CAPN2: variants seen among roughly 807,000 people sequenced by gnomAD.
CAPN2 encodes calpain-2 catalytic subunit.
In CAPN2, 92 loss-of-function variants were observed where a neutral mutation model predicts 102.3. The ratio of observed to expected loss-of-function variants is 0.90; its 90% CI spans 0.76 to 1.07. The LOEUF (loss-of-function observed/expected upper bound fraction) is 1.07. CAPN2 is among the 50% of genes least tolerant of loss of function. The pLI is 0.00. For synonymous variants in CAPN2, 340 were observed against 355.4 expected (o/e 0.96, Z 0.49); for missense variants, 800 against 909.4 (o/e 0.88, Z 1.55).
rs1017379497 is a variant in CAPN2, at chr1:223,731,641, G to C, written c.308-12459G>C. ...AGACTGAGTACAGGCCTGGCACGGAGCCAGGAATGCACCAACAAGGAGCCT... is the reference window on the plus strand; with the variant it reads ...AGACTGAGTACAGGCCTGGCACGGACCCAGGAATGCACCAACAAGGAGCCT... On this transcript the variant is annotated intron_variant, in intron 2 of 20. Coordinates refer to ENST00000295006, the MANE Select transcript of CAPN2 (RefSeq NM_001748.5). This position sits in a 1 kb window ranked among gnomAD's most constrained non-coding sequence, Gnocchi z 4.2. Among the ~76,000 whole-genome samples, 2 of 152,234 alleles carry C rather than the reference G, an allele frequency of 1.3e-5. No homozygotes were observed. The highest frequency in any genetic ancestry group is 4.8e-5 in the African/African-American group (2 of 41,464).
intron 3 of CAPN2, 105 bp downstream of exon 3, chr1:223,744,323 A>G (rs1660694285): frequency 3.9e-6 from 3 of 772,636 alleles, no homozygotes; most frequent in East Asian, 2.4e-5. Flanking sequence ...GCAGACTCCC[A>G]AGACCAATAC....
chr1:223,750,833 T>C (rs1660867607), intron 6 of CAPN2, 57 bp from the exon 7 acceptor site: 1 of 1,508,158 alleles, frequency 6.6e-7, no homozygotes, highest in South Asian at 1.2e-5. Flanking sequence ...GGCCCAAGCC[T>C]TCATAGCCCT....
upstream of CAPN2, among the ~76,000 whole-genome samples, chr1:223,708,355 C>T (rs909547208): frequency 2.0e-5 from 3 of 150,762 alleles, no homozygotes; most frequent in Admixed American, 6.6e-5. Context: ...AACCGGGAGG[C>T]GGAGGTTGCA....
intron 2 of CAPN2, among the ~76,000 whole-genome samples, chr1:223,742,497 T>TGC (rs1660643292): frequency 1.1e-5 from 1 of 91,220 alleles, no homozygotes; most frequent in Non-Finnish European, 2.0e-5. Flanking sequence ...TATATATGTG[T>TGC]GTATATATAT....
rs7533595 is a variant in CAPN2, at chr1:223,756,681, C to A, written c.1306-688C>A. 0.02 allele frequency among the ~76,000 whole-genome samples: 2,996 copies of A among 152,298 alleles called. 106 individuals carry two copies. Among genetic ancestry groups the A allele is most frequent in the African/African-American group, 0.068 (2,843 of 41,536 alleles). On this transcript the variant is annotated intron_variant, in intron 10 of 20. Coordinates refer to ENST00000295006, the MANE Select transcript of CAPN2 (RefSeq NM_001748.5). This position sits in a 1 kb window ranked among gnomAD's most constrained non-coding sequence, Gnocchi z 4.1. ...ACACTGACTTCTACCTGCTCACCCACCTGAGAAAGGCAGCTGGGCAAATAC... is the reference window on the plus strand; with the variant it reads ...ACACTGACTTCTACCTGCTCACCCAACTGAGAAAGGCAGCTGGGCAAATAC...
intron 2 of CAPN2, among the ~76,000 whole-genome samples, chr1:223,741,282 C>T (rs1470682367): frequency 6.6e-6 from 1 of 150,972 alleles, no homozygotes; most frequent in African/African-American, 2.4e-5. Flanking sequence ...AGTGAAGGAA[C>T]CAGAAGCAAA....
chr1:223,770,469 T>A lies in CAPN2; in HGVS notation c.1847T>A (p.Val616Asp). 1 of 1,613,854 alleles carries A rather than the reference T, an allele frequency of 6.2e-7. No homozygotes were observed. The highest frequency in any genetic ancestry group is 8.5e-7 in the Non-Finnish European group (1 of 1,179,828). ...KYQKIYREID[V>D]DRSGTMNSYE... is the part of the protein sequence containing the mutation. ...CAGAAAATTTACCGAGAAATCGACG[T>A]TGACAGGTCTGGTACCATGAATTCC... The change falls in exon 18 of 21, where the codon GTT becomes GAT. Residue 616 changes from valine (V) to aspartate (D), a missense_variant. Transcript: ENST00000295006.
intron 5 of CAPN2, among the ~76,000 whole-genome samples, chr1:223,748,495 A>G (rs967994208): frequency 4.6e-5 from 7 of 152,194 alleles, no homozygotes; most frequent in African/African-American, 1.4e-4. Context: ...AACAGAAGCA[A>G]ATTCTGACTC....
chr1:223,764,314 C>A, intron 15 of CAPN2, 107 bp downstream of exon 15: 1 of 875,042 alleles, frequency 1.1e-6, no homozygotes, highest in Non-Finnish European at 1.9e-6. Flanking sequence ...ACTAAACCAC[C>A]ACCCTCCATC....
At chr1:223,765,143 C>T (rs1661279282) in intron 15 of CAPN2, among the ~76,000 whole-genome samples, 1 of 152,208 alleles carries the variant, frequency 6.6e-6, no homozygotes, top group East Asian at 1.9e-4. Context: ...TGCATACCAG[C>T]CCTAGGGATC....
rs1199013914 is a variant in CAPN2, at chr1:223,717,832, G to T, written c.307+1G>T. 6.2e-7 allele frequency: 1 copy of T among 1,611,316 alleles called. No individual in the cohort carries two copies. The highest frequency in any genetic ancestry group is 8.5e-7 in the Non-Finnish European group (1 of 1,177,346). ...ACAGACATCTGCCAAGGAGCCCTGG[G>T]TAAGTGATAGATTCAGAGCAAGCTG... On this transcript the variant is annotated splice_donor_variant, in intron 2 of 20. Coordinates refer to ENST00000295006, the MANE Select transcript of CAPN2 (RefSeq NM_001748.5). LOFTEE classifies it high-confidence loss of function.
At chr1:223,702,659 C>T (rs909363018) in intron 1 of CAPN2, among the ~76,000 whole-genome samples, 2 of 152,262 alleles carry the variant, frequency 1.3e-5, no homozygotes, top group Admixed American at 1.3e-4. Context: ...TAGGACATAA[C>T]CCACCTCCCA....
At chr1:223,745,241 G>T (rs1660723742) in intron 3 of CAPN2, 65 bp from the exon 4 acceptor site, 4 of 1,607,260 alleles carry the variant, frequency 2.5e-6, no homozygotes, top group Non-Finnish European at 3.4e-6. Context: ...GCCAGAGGCA[G>T]CTGAGGCTCA....
chr1:223,757,330 C>G (rs1433633431), intron 10 of CAPN2, 39 bp from the exon 11 acceptor site: 1 of 1,613,732 alleles, frequency 6.2e-7, no homozygotes. Context: ...TCTTACACTG[C>G]TTTTCCGGCA....
intron 16 of CAPN2, among the ~76,000 whole-genome samples, chr1:223,767,208 CTTTAAGT>C (rs1661360452): frequency 6.6e-6 from 1 of 151,380 alleles, no homozygotes; most frequent in African/African-American, 2.4e-5. Flanking sequence ...TATTATTATA[CTTTAAGT>C]TTTAGGGTAC....
intron 6 of CAPN2, among the ~76,000 whole-genome samples, chr1:223,750,652 C>T (rs1456122076): frequency 2.0e-5 from 3 of 152,204 alleles, no homozygotes; most frequent in Admixed American, 6.5e-5. Context: ...CCTCGAGAGC[C>T]GGATCCTGGG....
At chr1:223,729,515 A>G (rs1660277925) in intron 2 of CAPN2, among the ~76,000 whole-genome samples, 1 of 152,190 alleles carries the variant, frequency 6.6e-6, no homozygotes, top group African/African-American at 2.4e-5. Flanking sequence ...CCTGTGCCCA[A>G]GGTGGTTGGT....
intron 1 of CAPN2, among the ~76,000 whole-genome samples, chr1:223,704,248 G>A (rs191518709): frequency 1.6e-4 from 25 of 152,162 alleles, no homozygotes; most frequent in African/African-American, 5.8e-4. Context: ...TCGAGATCAC[G>A]CCACTGCACT....
chr1:223,749,494 C>T (rs1264758783), intron 6 of CAPN2: 1 of 232,066 alleles, frequency 4.3e-6, no homozygotes, highest in East Asian at 1.1e-4. Context: ...TAAAAGTATT[C>T]GTGCCCATGT....
Sources: gnomAD v4.1 joint callset for allele counts (sites outside exome capture counted in the v4.1 genomes callset) on GRCh38, gnomAD v4.1.1 for gene constraint, Gnocchi (gnomAD v3.1) non-coding constraint, MANE v1.5 for transcripts, NCBI Gene and HGNC (gene_info 2026-07-23, HGNC 2026-07-21) for gene names.